DLG2: variants seen among roughly 807,000 people sequenced by gnomAD.
DLG2 encodes the protein disks large homolog 2.
A neutral mutation model predicts 132.5 loss-of-function variants in DLG2; 45 were observed. The observed-to-expected ratio is 0.34, with a 90% CI of 0.27 to 0.44. The LOEUF is 0.44. DLG2 is among the 20% of genes least tolerant of loss of function. The pLI, the probability that DLG2 is intolerant of heterozygous loss-of-function variation, is 1.00. For missense variants in DLG2, 1,045 were observed against 1,196.9 expected, an observed-to-expected ratio of 0.87 and a Z score of 1.87; for synonymous variants, 424 against 419.6, an observed-to-expected ratio of 1.01 and a Z score of -0.13.
At chr11:85,345,101 T>C (rs1156877516) in intron 3 of DLG2, among the ~76,000 whole-genome samples, 1 of 151,982 alleles carries the variant, frequency 6.6e-6, no homozygotes, top group Non-Finnish European at 1.5e-5. Context: ...ACATTGAGGG[T>C]TGAAGTACAA....
intron 18 of DLG2, among the ~76,000 whole-genome samples, chr11:83,669,524 C>T (rs1338500863): frequency 6.6e-6 from 1 of 152,122 alleles, no homozygotes; most frequent in African/African-American, 2.4e-5. Context: ...CTCTTATAAA[C>T]AGAAGGATCC....
At chr11:84,393,559 C>T (rs1173168286) in intron 7 of DLG2, among the ~76,000 whole-genome samples, 1 of 152,066 alleles carries the variant, frequency 6.6e-6, no homozygotes, top group African/African-American at 2.4e-5. Context: ...TTTCTCTTAC[C>T]ATTACATTGT....
At chr11:84,212,890 C>T (rs1015837445) in intron 8 of DLG2, among the ~76,000 whole-genome samples, 11 of 152,220 alleles carry the variant, frequency 7.2e-5, no homozygotes, top group Non-Finnish European at 1.5e-5. Context: ...GATCACCTGA[C>T]TTCGTGATCC....
chr11:83,617,067 C>T (rs961882294), intron 19 of DLG2, among the ~76,000 whole-genome samples: 3 of 152,160 alleles, frequency 2.0e-5, no homozygotes, highest in Non-Finnish European at 4.4e-5. Context: ...ATCCTAACAT[C>T]ATATAATGTA....
intron 26 of DLG2, among the ~76,000 whole-genome samples, chr11:83,466,317 A>G (rs1039641428): frequency 2.6e-5 from 4 of 152,208 alleles, no homozygotes; most frequent in Non-Finnish European, 5.9e-5. Context: ...CAATTAAAAA[A>G]TGATTGCTTC....
intron 11 of DLG2, among the ~76,000 whole-genome samples, chr11:83,998,227 T>A (rs1170857586): frequency 6.6e-6 from 1 of 152,162 alleles, no homozygotes; most frequent in East Asian, 1.9e-4. Context: ...TTTAGAAGTG[T>A]CATGTTTATA....
At chr11:84,694,824 G>C (rs1035917217) in intron 6 of DLG2, among the ~76,000 whole-genome samples, 1 of 151,474 alleles carries the variant, frequency 6.6e-6, no homozygotes, top group African/African-American at 2.4e-5. Flanking sequence ...AATACAGAGT[G>C]GGGGTGAAAC....
intron 15 of DLG2, among the ~76,000 whole-genome samples, chr11:83,915,827 C>T (rs1055757654): frequency 3.3e-5 from 5 of 152,228 alleles, no homozygotes; most frequent in Admixed American, 6.5e-5. Flanking sequence ...TGATGGTCAA[C>T]TTTTAAAACA....
chr11:85,627,577 T>A (rs900721151), upstream of DLG2: 4 of 152,202 alleles, frequency 2.6e-5, no homozygotes, highest in African/African-American at 4.8e-5. Context: ...GTAGTAGTAT[T>A]AGACATGTAA....
chr11:84,490,675 G>T (rs1481827641), intron 7 of DLG2, among the ~76,000 whole-genome samples: 1 of 145,266 alleles, frequency 6.9e-6, no homozygotes, highest in African/African-American at 2.5e-5. Context: ...AAACCCGACA[G>T]ATTTAATAAT....
chr11:83,629,118 A>C (rs2063134211), intron 19 of DLG2, among the ~76,000 whole-genome samples: 1 of 152,144 alleles, frequency 6.6e-6, no homozygotes, highest in Non-Finnish European at 1.5e-5. Context: ...TCAAGATTCC[A>C]GGCCTTTCTA....
At chr11:83,780,910 C>A (rs1217135320) in intron 18 of DLG2, among the ~76,000 whole-genome samples, 1 of 152,152 alleles carries the variant, frequency 6.6e-6, no homozygotes, top group African/African-American at 2.4e-5. Context: ...TGACAAGTGA[C>A]AATTTTTGCA....
intron 6 of DLG2, among the ~76,000 whole-genome samples, chr11:84,701,163 C>A (rs1010185920): frequency 4.0e-5 from 6 of 151,730 alleles, no homozygotes; most frequent in Non-Finnish European, 8.9e-5. Flanking sequence ...GGCACCTGTT[C>A]CCAAGCCATT....
At chr11:83,633,179 A>C in intron 19 of DLG2, 32 bp downstream of exon 19, 1 of 1,595,298 alleles carries the variant, frequency 6.3e-7, no homozygotes, top group South Asian at 1.1e-5. Flanking sequence ...ATTGCTCACA[A>C]AGTGCAGATA....
intron 8 of DLG2, among the ~76,000 whole-genome samples, chr11:84,190,483 T>G (rs1361932577): frequency 2.6e-5 from 4 of 152,184 alleles, no homozygotes; most frequent in African/African-American, 7.2e-5. Flanking sequence ...ATGCCATGTG[T>G]TGAAAAGTCA....
intron 3 of DLG2, among the ~76,000 whole-genome samples, chr11:85,357,959 A>G (rs1183394160): frequency 3.3e-5 from 5 of 151,594 alleles, no homozygotes; most frequent in South Asian, 2.1e-4. Context: ...AATTCTACCT[A>G]TGTTCTGAGC....
At chr11:83,596,247 T>C (rs2057557880) in intron 19 of DLG2, among the ~76,000 whole-genome samples, 1 of 152,136 alleles carries the variant, frequency 6.6e-6, no homozygotes, top group African/African-American at 2.4e-5. Context: ...AAAGTTGACA[T>C]AATAAAAAAT....
At chr11:84,648,863 C>G (rs1388631069) in intron 6 of DLG2, among the ~76,000 whole-genome samples, 4 of 152,114 alleles carry the variant, frequency 2.6e-5, no homozygotes, top group African/African-American at 9.6e-5. Flanking sequence ...TCTTGTACAG[C>G]CTGCAGAACC....
chr11:84,502,767 A>G (rs1306699031), intron 7 of DLG2, among the ~76,000 whole-genome samples: 3 of 152,120 alleles, frequency 2.0e-5, no homozygotes, highest in Non-Finnish European at 2.9e-5. Context: ...GTAGGTCTAC[A>G]GATTATCCAG....
Sources: gnomAD v4.1 joint callset for allele counts (sites outside exome capture counted in the v4.1 genomes callset) on GRCh38, gnomAD v4.1.1 for gene constraint, MANE v1.5 for transcripts, NCBI Gene and HGNC (gene_info 2026-07-23, HGNC 2026-07-21) for gene names.